The following LDAH variants were observed in gnomAD, a reference collection of about 807,000 sequenced individuals.
The protein encoded by LDAH is lipid droplet-associated hydrolase.
LDAH carries 26 observed loss-of-function variants against 29.6 expected under a neutral mutation model. That is an observed-to-expected ratio of 0.88 (90% CI 0.64 to 1.22). The LOEUF is 1.22. Among genes scored for constraint, LDAH ranks in the 50% most tolerant of loss-of-function variants. LDAH has a pLI of 0.00. For missense variants in LDAH, 344 were observed against 387.3 expected, an observed-to-expected ratio of 0.89 and a Z score of 0.94; for synonymous variants, 117 against 133.0, an observed-to-expected ratio of 0.88 and a Z score of 0.83.
chr2:20,733,843 A>G (rs750604715), intron 5 of LDAH, among the ~76,000 whole-genome samples: 1 of 152,146 alleles, frequency 6.6e-6, no homozygotes, highest in South Asian at 2.1e-4. Flanking sequence ...TATTAATTAC[A>G]TGTAGTATTA....
chr2:20,793,066 T>C (rs1671081485), intron 2 of LDAH, among the ~76,000 whole-genome samples: 1 of 152,148 alleles, frequency 6.6e-6, no homozygotes. Flanking sequence ...ATTAATTCTA[T>C]TCAGAATTAC....
At chr2:20,728,235 A>C (rs1293933782) in intron 5 of LDAH, among the ~76,000 whole-genome samples, 1 of 152,160 alleles carries the variant, frequency 6.6e-6, no homozygotes. Flanking sequence ...ATCTGCAAAC[A>C]CTGCAAAGCC....
chr2:20,725,661 G>A (rs1316449175), intron 5 of LDAH, among the ~76,000 whole-genome samples: 1 of 152,206 alleles, frequency 6.6e-6, no homozygotes, highest in Non-Finnish European at 1.5e-5. Context: ...CTGAGTCATG[G>A]GGAAATCAAA....
intron 6 of LDAH, 84 bp from the exon 7 acceptor site, chr2:20,687,178 G>A (rs1462435045): frequency 8.7e-7 from 1 of 1,146,290 alleles, no homozygotes; most frequent in African/African-American, 1.6e-5. Context: ...GCAGTGCTCT[G>A]AGGACAGCAC....
intron 1 of LDAH, among the ~76,000 whole-genome samples, chr2:20,816,371 G>A (rs995074127): frequency 7.9e-5 from 12 of 151,956 alleles, no homozygotes; most frequent in Non-Finnish European, 1.3e-4. Flanking sequence ...AGCATATAGC[G>A]TCTATAAGAA....
In LDAH at chr2:20,801,958, ATGTGTG is replaced by A. The variant is rs201368706; in HGVS notation, c.-2-499_-2-494del. Among the ~76,000 whole-genome samples, 1,180 of 138,630 alleles carry A rather than the reference ATGTGTG, an allele frequency of 8.5e-3. 10 individuals carry two copies. Among genetic ancestry groups the A allele is most frequent in the African/African-American group, 0.03 (1,114 of 37,072 alleles). The allele number at this position is 138,630 out of a possible 152,430, so 90.9% of individuals were successfully genotyped here. ...TGTGTGTGTGTGTGTGTGTGTGTGT[ATGTGTG>A]TGTGTGTGTGTGTATGTATGAATAT... On this transcript the variant is annotated intron_variant, in intron 1 of 6. Transcript: ENST00000237822.
chr2:20,748,363 T>C (rs1006395543), intron 4 of LDAH, among the ~76,000 whole-genome samples: 2 of 152,250 alleles, frequency 1.3e-5, no homozygotes, highest in African/African-American at 4.8e-5. Context: ...GTTTGCATAT[T>C]TGCAGAGGTC....
intron 5 of LDAH, among the ~76,000 whole-genome samples, chr2:20,728,457 T>C (rs1666167573): frequency 6.6e-6 from 1 of 152,188 alleles, no homozygotes; most frequent in Non-Finnish European, 1.5e-5. Context: ...GTATGAACAT[T>C]AGTTATGTCC....
chr2:20,778,756 G>A (rs1164020264), intron 3 of LDAH, among the ~76,000 whole-genome samples: 3 of 151,922 alleles, frequency 2.0e-5, no homozygotes, highest in East Asian at 1.9e-4. Context: ...GAAGGGTAAC[G>A]GCCCTTTGAT....
At position 20,789,343 on chromosome 2, in the gene LDAH, G is replaced by A. The variant is rs1670782104; in HGVS notation, c.298+912C>T. The stretch of plus-strand genomic sequence containing the variant: ...CGAGAGGACAGCAAGAATGCCACCT[G>A]TGAATCGGGAAGTAGGTTTTCATCA... On this transcript the variant is annotated intron_variant, in intron 3 of 6. Coordinates refer to ENST00000237822, the MANE Select transcript of LDAH (RefSeq NM_021925.4). The A allele has an allele frequency of 2.0e-6, 3 of 1,524,524 alleles. No individual in the cohort carries two copies. In the South Asian group the frequency reaches 3.7e-5, roughly 19 times the overall value. The allele number at this position is 1,524,524 out of a possible 1,614,324, so 94.4% of individuals were successfully genotyped here.
chr2:20,717,921 G>T (rs1572467095), intron 5 of LDAH, among the ~76,000 whole-genome samples: 1 of 152,290 alleles, frequency 6.6e-6, no homozygotes, highest in East Asian at 1.9e-4. Flanking sequence ...AATTAGCTGG[G>T]ACTACAGGAG....
intron 5 of LDAH, among the ~76,000 whole-genome samples, chr2:20,710,592 G>GTA (rs1176782409): frequency 2.3e-5 from 3 of 132,646 alleles, no homozygotes. Flanking sequence ...AGGGGTGTGT[G>GTA]TGTGTGTGTG....
At chr2:20,817,029 T>C (rs908411629) in intron 1 of LDAH, among the ~76,000 whole-genome samples, 2 of 151,766 alleles carry the variant, frequency 1.3e-5, no homozygotes, top group African/African-American at 2.4e-5. Flanking sequence ...GAAATGAAAA[T>C]ACAAGACAGC....
intron 6 of LDAH, among the ~76,000 whole-genome samples, chr2:20,688,272 T>C (rs1195853240): frequency 6.6e-6 from 1 of 151,916 alleles, no homozygotes; most frequent in Non-Finnish European, 1.5e-5. Context: ...CAGCACACTG[T>C]GGGGAGAAGA....
At chr2:20,764,190 C>T (rs200356480) in intron 4 of LDAH, among the ~76,000 whole-genome samples, 10 of 139,872 alleles carry the variant, frequency 7.1e-5, no homozygotes, top group Non-Finnish European at 1.3e-4. Context: ...TGTGTGTGTG[C>T]GCACAAATAT....
intron 6 of LDAH, 60 bp downstream of exon 6, chr2:20,701,510 G>C: frequency 7.4e-7 from 1 of 1,347,474 alleles, no homozygotes; most frequent in South Asian, 1.2e-5. Flanking sequence ...CTAGTCCTTT[G>C]CCCTCGTATC....
At chr2:20,712,601 G>GGATGTTCAA (rs1215451491) in intron 5 of LDAH, among the ~76,000 whole-genome samples, 2 of 152,156 alleles carry the variant, frequency 1.3e-5, no homozygotes, top group African/African-American at 2.4e-5. Context: ...AGCTAAAGGA[G>GGATGTTCAA]GATGTTCAAA....
intron 1 of LDAH, 33 bp from the exon 2 acceptor site, chr2:20,801,498 C>T (rs780274031): frequency 6.3e-7 from 1 of 1,583,154 alleles, no homozygotes; most frequent in Non-Finnish European, 8.7e-7. Flanking sequence ...TATGAAGAGT[C>T]AGTAAAATGT....
At chr2:20,726,943 A>G (rs114478522) in intron 5 of LDAH, among the ~76,000 whole-genome samples, 2,061 of 152,324 alleles carry the variant, frequency 0.014, 50 homozygotes, top group African/African-American at 0.047. Context: ...TAACTTCTAA[A>G]CCAGAGATTA....
Sources: gnomAD v4.1 joint callset for allele counts (sites outside exome capture counted in the v4.1 genomes callset) on GRCh38, gnomAD v4.1.1 for gene constraint, MANE v1.5 for transcripts, NCBI Gene and HGNC (gene_info 2026-07-23, HGNC 2026-07-21) for gene names.